KCTD8: variants seen among roughly 807,000 people sequenced by gnomAD.
The protein encoded by KCTD8 is BTB/POZ domain-containing protein KCTD8.
In KCTD8, 27 loss-of-function variants were observed where a neutral mutation model predicts 31.5. The observed-to-expected ratio is 0.86, with a 90% CI of 0.63 to 1.18. The LOEUF (loss-of-function observed/expected upper bound fraction) is 1.18. Among genes scored for constraint, KCTD8 ranks in the 50% most tolerant of loss-of-function variants. The pLI, the probability that KCTD8 is intolerant of heterozygous loss-of-function variation, is 0.00. For synonymous variants in KCTD8, 290 were observed against 280.0 expected, an observed-to-expected ratio of 1.04 and a Z score of -0.36; for missense variants, 658 against 647.7, an observed-to-expected ratio of 1.02 and a Z score of -0.17.
At chr4:44,444,160 G>A (rs182308393) in intron 1 of KCTD8, among the ~76,000 whole-genome samples, 1 of 152,102 alleles carries the variant, frequency 6.6e-6, no homozygotes, top group East Asian at 1.9e-4. Flanking sequence ...TAAAAACCCA[G>A]TGACTTGGAT....
chr4:44,255,938 A>G (rs1014715963), intron 1 of KCTD8, among the ~76,000 whole-genome samples: 1 of 152,000 alleles, frequency 6.6e-6, no homozygotes, highest in Non-Finnish European at 1.5e-5. Context: ...GCTGCTAATA[A>G]AGACATACCT....
chr4:44,432,622 C>T (rs900936886), intron 1 of KCTD8, among the ~76,000 whole-genome samples: 10 of 151,710 alleles, frequency 6.6e-5, no homozygotes, highest in South Asian at 2.1e-4. Flanking sequence ...GCATTAACTA[C>T]GCTTTTATCA....
chr4:44,265,134 G>C lies in KCTD8; in HGVS notation c.962-89884C>G, dbSNP rs112611177. Among the ~76,000 whole-genome samples, 1,397 of 152,250 alleles carry C rather than the reference G, an allele frequency of 9.2e-3. 19 individuals carry two copies. The highest frequency in any genetic ancestry group is 0.031 in the African/African-American group (1,308 of 41,552). ...TGACCCCTGAGCAGACTAACTAGGA[G>C]GCACCCCCCAGTAGGGGCAGACTGA... On this transcript the variant is annotated intron_variant, in intron 1 of 1. Coordinates refer to ENST00000360029, the MANE Select transcript of KCTD8 (RefSeq NM_198353.3).
At chr4:44,183,487 TG>T (rs1327846846) in intron 1 of KCTD8, among the ~76,000 whole-genome samples, 1 of 152,148 alleles carries the variant, frequency 6.6e-6, no homozygotes, top group Non-Finnish European at 1.5e-5. Context: ...GGCCCAAACT[TG>T]TAAAACTCAG....
chr4:44,391,663 C>T (rs1036952886), intron 1 of KCTD8, among the ~76,000 whole-genome samples: 11 of 151,666 alleles, frequency 7.3e-5, no homozygotes, highest in Non-Finnish European at 1.6e-4. Context: ...AGTAAGACTT[C>T]CAGTTAACAG....
At chr4:44,205,192 A>G (rs1714266583) in intron 1 of KCTD8, among the ~76,000 whole-genome samples, 1 of 152,212 alleles carries the variant, frequency 6.6e-6, no homozygotes, top group Non-Finnish European at 1.5e-5. Flanking sequence ...TGGAAAAGGA[A>G]ACACGTAAGA....
At chr4:44,373,312 G>A (rs1719838498) in intron 1 of KCTD8, among the ~76,000 whole-genome samples, 1 of 151,852 alleles carries the variant, frequency 6.6e-6, no homozygotes, top group Non-Finnish European at 1.5e-5. Context: ...AGTGAGCTGA[G>A]GTCACACCAC....
intron 1 of KCTD8, among the ~76,000 whole-genome samples, chr4:44,328,446 C>G (rs1718504049): frequency 6.6e-6 from 1 of 151,930 alleles, no homozygotes; most frequent in South Asian, 2.1e-4. Flanking sequence ...ACATCATTGA[C>G]ATATACACTT....
chr4:44,185,429 G>T (rs1253904025), intron 1 of KCTD8, among the ~76,000 whole-genome samples: 1 of 152,126 alleles, frequency 6.6e-6, no homozygotes, highest in Non-Finnish European at 1.5e-5. Context: ...ATTCCATTAA[G>T]TATATCCTTG....
At chr4:44,236,840 C>A (rs776981670) in intron 1 of KCTD8, among the ~76,000 whole-genome samples, 1 of 152,066 alleles carries the variant, frequency 6.6e-6, no homozygotes, top group Non-Finnish European at 1.5e-5. Context: ...AGAACTGAAT[C>A]GTGGGGGCAG....
At chr4:44,411,621 T>C (rs1720960268) in intron 1 of KCTD8, among the ~76,000 whole-genome samples, 1 of 152,098 alleles carries the variant, frequency 6.6e-6, no homozygotes, top group South Asian at 2.1e-4. Context: ...CTCAGAACCT[T>C]AGAATGATAA....
intron 1 of KCTD8, among the ~76,000 whole-genome samples, chr4:44,218,135 T>G (rs981192195): frequency 5.9e-5 from 8 of 135,638 alleles, no homozygotes; most frequent in Non-Finnish European, 1.1e-4. Context: ...TTTTTTTTTT[T>G]TTTTTTTTTT....
intron 1 of KCTD8, among the ~76,000 whole-genome samples, chr4:44,188,830 C>T (rs901954010): frequency 3.3e-5 from 5 of 152,104 alleles, no homozygotes; most frequent in Non-Finnish European, 7.4e-5. Context: ...AAATTTTTCC[C>T]TAGAACTTCT....
chr4:44,304,797 A>C (rs1717751547), intron 1 of KCTD8, among the ~76,000 whole-genome samples: 2 of 152,124 alleles, frequency 1.3e-5, no homozygotes, highest in Admixed American at 6.6e-5. Context: ...GAACTGTTCT[A>C]TATCTTGATT....
intron 1 of KCTD8, among the ~76,000 whole-genome samples, chr4:44,216,790 T>C (rs1577835514): frequency 6.6e-6 from 1 of 152,182 alleles, no homozygotes; most frequent in Non-Finnish European, 1.5e-5. Context: ...GTTCTGGCTG[T>C]TTTGTTTGTT....
At chr4:44,412,650 GC>G (rs1190981328) in intron 1 of KCTD8, among the ~76,000 whole-genome samples, 1 of 152,044 alleles carries the variant, frequency 6.6e-6, no homozygotes, top group Non-Finnish European at 1.5e-5. Flanking sequence ...TGGAAAACTT[GC>G]TTATTTGTGA....
intron 1 of KCTD8, among the ~76,000 whole-genome samples, chr4:44,307,882 T>C (rs998374602): frequency 2.2e-4 from 34 of 151,926 alleles, no homozygotes; most frequent in African/African-American, 7.7e-4. Flanking sequence ...AAAACAAATA[T>C]AGTGTACATA....
intron 1 of KCTD8, among the ~76,000 whole-genome samples, chr4:44,420,737 G>A (rs1034710286): frequency 6.6e-6 from 1 of 152,072 alleles, no homozygotes; most frequent in Non-Finnish European, 1.5e-5. Flanking sequence ...AATATCCTGA[G>A]AATATCTCCC....
chr4:44,197,035 C>A (rs909640941), intron 1 of KCTD8, among the ~76,000 whole-genome samples: 7 of 152,186 alleles, frequency 4.6e-5, no homozygotes, highest in African/African-American at 1.4e-4. Flanking sequence ...GGGCTTCCAG[C>A]TCAGTGACCC....
Sources: gnomAD v4.1 joint callset for allele counts (sites outside exome capture counted in the v4.1 genomes callset) on GRCh38, gnomAD v4.1.1 for gene constraint, MANE v1.5 for transcripts, NCBI Gene and HGNC (gene_info 2026-07-23, HGNC 2026-07-21) for gene names.